The following PRKAR2A variants were observed in gnomAD, a reference collection of about 807,000 sequenced individuals.
The protein encoded by PRKAR2A is cAMP-dependent protein kinase type II-alpha regulatory subunit.
PRKAR2A carries 29 observed loss-of-function variants against 51.9 expected under a neutral mutation model. That is an observed-to-expected ratio of 0.56 (90% CI 0.42 to 0.76). PRKAR2A has a LOEUF of 0.76. Among genes scored for constraint, PRKAR2A ranks in the 30% least tolerant of loss-of-function variants. The pLI, the probability that PRKAR2A is intolerant of heterozygous loss-of-function variation, is 0.00. For missense variants in PRKAR2A, 445 were observed against 512.1 expected (o/e 0.87, Z 1.26); for synonymous variants, 178 against 186.2 (o/e 0.96, Z 0.36).
chr3:48,812,184 T>A (rs1039220542), intron 1 of PRKAR2A, among the ~76,000 whole-genome samples: 1 of 151,400 alleles, frequency 6.6e-6, no homozygotes, highest in Non-Finnish European at 1.5e-5. Context: ...AAATTTTAAG[T>A]ACAACGAAAA....
chr3:48,785,323 C>T (rs1045281780), intron 4 of PRKAR2A, among the ~76,000 whole-genome samples: 2 of 150,502 alleles, frequency 1.3e-5, no homozygotes, highest in East Asian at 1.9e-4. Context: ...TGCAGTTGCA[C>T]GATCTCGGCT....
downstream of PRKAR2A, among the ~76,000 whole-genome samples, chr3:48,746,353 TA>T (rs34195938): frequency 0.51 from 35,130 of 68,344 alleles, 6,541 homozygotes; most frequent in Middle Eastern, 0.57. Context: ...ATCCTGTCAC[TA>T]AAAAAAAAAA....
chr3:48,831,984 A>G (rs1005393824), intron 1 of PRKAR2A, among the ~76,000 whole-genome samples: 5 of 152,172 alleles, frequency 3.3e-5, no homozygotes, highest in Non-Finnish European at 5.9e-5. Flanking sequence ...TCTTGTGGTC[A>G]TCACATCTTA....
chr3:48,791,331 G>A (rs13072380), intron 3 of PRKAR2A, among the ~76,000 whole-genome samples: 3 of 139,854 alleles, frequency 2.1e-5, no homozygotes, highest in South Asian at 2.4e-4. Flanking sequence ...GCGTGGTGGC[G>A]CACGCCTGTA....
chr3:48,812,001 G>C (rs974596697), intron 1 of PRKAR2A, among the ~76,000 whole-genome samples: 1 of 151,962 alleles, frequency 6.6e-6, no homozygotes, highest in Non-Finnish European at 1.5e-5. Flanking sequence ...ACAAAAGAGG[G>C]AACTTTTGGG....
rs746831162 is a variant in PRKAR2A at position 48,783,092 on chromosome 3, C to T, written c.436G>A (p.Glu146Lys). 6.2e-7 allele frequency: 1 copy of T among 1,605,920 alleles called. No homozygotes were observed. Among genetic ancestry groups the T allele is most frequent in the South Asian group, 1.1e-5 (1 of 90,934 alleles). ...GCATCGAGAACTTGAGAAAGCTGTT[C>T]CTGCAGGGTATGCACAAGAAGAAAA... Reference protein sequence around the residue: ...DILLFKNLDQEQLSQVLDAMF... With the variant: ...DILLFKNLDQKQLSQVLDAMF... Residue 146 changes from glutamate to lysine, a missense_variant and splice_region_variant, in exon 5 of 11, where the codon GAA (glutamate) becomes AAA (lysine). Transcript: ENST00000265563.
intron 1 of PRKAR2A, among the ~76,000 whole-genome samples, chr3:48,833,769 C>T (rs1356088022): frequency 6.6e-6 from 1 of 150,434 alleles, no homozygotes; most frequent in East Asian, 1.9e-4. Context: ...GGCGCAGTGG[C>T]TCACGCCTGT....
intron 6 of PRKAR2A, among the ~76,000 whole-genome samples, chr3:48,765,760 CCAAAAGAGAGAATAAAA>C (rs1024213029): frequency 7.1e-6 from 1 of 141,764 alleles, no homozygotes. Flanking sequence ...AGACACCTCA[CCAAAAGAGAGAATAAAA>C]CAATCATTTA....
At chr3:48,765,137 A>T in intron 7 of PRKAR2A, 59 bp from the exon 8 acceptor site, 1 of 1,560,068 alleles carries the variant, frequency 6.4e-7, no homozygotes, top group Non-Finnish European at 8.8e-7. Flanking sequence ...CACAATAGCT[A>T]TGCAGCACAG....
intron 4 of PRKAR2A, among the ~76,000 whole-genome samples, chr3:48,785,200 T>A (rs907879500): frequency 6.6e-6 from 1 of 150,734 alleles, no homozygotes; most frequent in African/African-American, 2.4e-5. Context: ...AAGCGATTTC[T>A]CCTGCCTCAG....
At chr3:48,756,356 C>T (rs1243155470) in intron 9 of PRKAR2A, 23 bp downstream of exon 9, 4 of 1,591,512 alleles carry the variant, frequency 2.5e-6, no homozygotes, top group East Asian at 4.5e-5. Context: ...TGTACACCAT[C>T]ACATATAAAC....
At chr3:48,794,833 AAATAT>A (rs1323856344) in intron 2 of PRKAR2A, among the ~76,000 whole-genome samples, 1 of 152,204 alleles carries the variant, frequency 6.6e-6, no homozygotes, top group African/African-American at 2.4e-5. Context: ...GAGGGAAAAT[AAATAT>A]AATATACTTT....
intron 5 of PRKAR2A, 115 bp downstream of exon 5, chr3:48,782,871 T>C: frequency 1.4e-6 from 1 of 711,896 alleles, no homozygotes. Context: ...TTTGGGAAGC[T>C]TGTTCACCTG....
At chr3:48,810,224 ATGTGTGTG>A (rs67806867) in intron 1 of PRKAR2A, among the ~76,000 whole-genome samples, 1,816 of 150,912 alleles carry the variant, frequency 0.012, 37 homozygotes, top group African/African-American at 0.042. Context: ...AGAGAAATAA[ATGTGTGTG>A]TGTGTGTACA....
intron 9 of PRKAR2A, 137 bp downstream of exon 9, chr3:48,756,242 G>T: frequency 1.5e-6 from 1 of 685,528 alleles, no homozygotes; most frequent in South Asian, 1.8e-5. Flanking sequence ...ATACTAAATG[G>T]GCTTAAACAT....
intron 1 of PRKAR2A, among the ~76,000 whole-genome samples, chr3:48,844,702 T>C (rs1476834011): frequency 6.6e-5 from 10 of 150,576 alleles, no homozygotes; most frequent in South Asian, 6.4e-4. Flanking sequence ...ATGGATGAAA[T>C]TGGAAACCAT....
intron 1 of PRKAR2A, among the ~76,000 whole-genome samples, chr3:48,813,747 A>G (rs1290595981): frequency 2.0e-5 from 3 of 151,934 alleles, no homozygotes; most frequent in Non-Finnish European, 4.4e-5. Flanking sequence ...AAAGCTGTCT[A>G]CTGTCTCCAG....
At position 48,765,077 on chromosome 3, in the gene PRKAR2A, A is replaced by C; in HGVS notation, c.800T>G (p.Val267Gly). ...ESVPLLKSLE[V>G]SERMKIVDVI... is the part of the protein sequence containing the mutation. ...ATCCACAATCTTCATTCGTTCTGACACCTGAAACAACAAATTCACAAATAA... is the reference window on the plus strand; with the variant it reads ...ATCCACAATCTTCATTCGTTCTGACCCCTGAAACAACAAATTCACAAATAA... The change falls in exon 8 of 11, where the codon GTG (valine) becomes GGG (glycine). Residue 267 changes from valine to glycine, a missense_variant and splice_region_variant. Physicochemically the swap from Val to Gly is moderately radical, Grantham distance 109. Coordinates refer to ENST00000265563, the MANE Select transcript of PRKAR2A (RefSeq NM_004157.4). The C allele has an allele frequency of 6.2e-7, 1 of 1,613,908 alleles. No homozygotes were observed. Among genetic ancestry groups the C allele is most frequent in the Non-Finnish European group, 8.5e-7 (1 of 1,179,782 alleles).
chr3:48,796,672 T>A (rs993400032), intron 2 of PRKAR2A, among the ~76,000 whole-genome samples: 1 of 146,676 alleles, frequency 6.8e-6, no homozygotes, highest in African/African-American at 2.6e-5. Flanking sequence ...GAGACGGGGT[T>A]TTTTTTTTTT....
Sources: allele counts gnomAD v4.1 joint callset (sites outside exome capture counted in the v4.1 genomes callset), GRCh38; gene constraint gnomAD v4.1.1; transcripts MANE v1.5; gene names NCBI Gene and HGNC (gene_info 2026-07-23, HGNC 2026-07-21).